DIP2B: variants seen among roughly 807,000 people sequenced by gnomAD.
The protein encoded by DIP2B is disco-interacting protein 2 homolog B.
DIP2B carries 76 observed loss-of-function variants against 198.0 expected under a neutral mutation model. That is an observed-to-expected ratio of 0.38 (90% CI 0.32 to 0.46). The LOEUF is 0.46. Ranked by LOEUF, DIP2B falls within the 20% of genes least tolerant of loss-of-function variation. The pLI, the probability that DIP2B is intolerant of heterozygous loss-of-function variation, is 0.99. For synonymous variants in DIP2B, 701 were observed against 739.1 expected (o/e 0.95, Z 0.84); for missense variants, 1,559 against 1,978.4 (o/e 0.79, Z 4.02).
intron 1 of DIP2B, among the ~76,000 whole-genome samples, chr12:50,511,247 G>A (rs1041023459): frequency 1.5e-5 from 2 of 137,884 alleles, no homozygotes; most frequent in Admixed American, 1.5e-4. Context: ...CCAGGCTCAA[G>A]TACCACCTTT....
At chr12:50,654,382 T>C (rs1333798381) in intron 3 of DIP2B, among the ~76,000 whole-genome samples, 1 of 144,202 alleles carries the variant, frequency 6.9e-6, no homozygotes, top group Non-Finnish European at 1.5e-5. Flanking sequence ...AAAGATAGAG[T>C]GTAACTCTGT....
chr12:50,513,309 C>T (rs1958034712), intron 1 of DIP2B, among the ~76,000 whole-genome samples: 1 of 152,104 alleles, frequency 6.6e-6, no homozygotes, highest in Non-Finnish European at 1.5e-5. Flanking sequence ...ACCCTTAGTC[C>T]AGTACATGTT....
chr12:50,718,690 GT>G lies in DIP2B; in HGVS notation c.2852-15del. On this transcript the variant is annotated intron_variant, in intron 23 of 37. Coordinates refer to ENST00000301180, the MANE Select transcript of DIP2B (RefSeq NM_173602.3). The stretch of plus-strand genomic sequence containing the variant: ...GGAATCGCCATCTCCAGTGAGTTGG[GT>G]TTTGCATTTATTTACAGGTGTAGGC... 6.2e-7 allele frequency: 1 copy of G among 1,610,820 alleles called. No homozygotes were observed. The highest frequency in any genetic ancestry group is 8.5e-7 in the Non-Finnish European group (1 of 1,177,318).
intron 1 of DIP2B, among the ~76,000 whole-genome samples, chr12:50,554,891 C>T (rs1397221889): frequency 6.6e-6 from 1 of 151,896 alleles, no homozygotes; most frequent in African/African-American, 2.4e-5. Flanking sequence ...CCTCAGGCTC[C>T]CGAGTAGTTG....
chr12:50,631,063 C>T (rs1938042372), intron 2 of DIP2B, among the ~76,000 whole-genome samples: 1 of 152,122 alleles, frequency 6.6e-6, no homozygotes, highest in African/African-American at 2.4e-5. Flanking sequence ...ACAATAGTTA[C>T]TATCCATTTC....
chr12:50,698,518 G>A (rs1939358659), intron 18 of DIP2B, 51 bp downstream of exon 18: 1 of 1,585,218 alleles, frequency 6.3e-7, no homozygotes, highest in African/African-American at 1.4e-5. Flanking sequence ...TGTCATCAGA[G>A]ATAATAGAGC....
At chr12:50,521,348 A>T (rs984750588) in intron 1 of DIP2B, among the ~76,000 whole-genome samples, 45 of 150,402 alleles carry the variant, frequency 3.0e-4, no homozygotes, top group African/African-American at 1.0e-3. Context: ...CTCGTGATCC[A>T]CCCGCCTCAG....
chr12:50,703,053 T>C (rs901445818), intron 19 of DIP2B, among the ~76,000 whole-genome samples: 2 of 151,846 alleles, frequency 1.3e-5, no homozygotes, highest in Admixed American at 6.6e-5. Flanking sequence ...GCGAGACCCA[T>C]CTCTACAAAC....
At chr12:50,565,941 AT>A (rs1017297943) in intron 1 of DIP2B, among the ~76,000 whole-genome samples, 8 of 150,284 alleles carry the variant, frequency 5.3e-5, no homozygotes, top group African/African-American at 1.9e-4. Context: ...AAATTTATCC[AT>A]TTCATCTTTT....
chr12:50,555,443 A>G (rs1482283575), intron 1 of DIP2B, among the ~76,000 whole-genome samples: 1 of 151,874 alleles, frequency 6.6e-6, no homozygotes, highest in East Asian at 1.9e-4. Flanking sequence ...CCAAATTTCA[A>G]ATTTTGTCGC....
At chr12:50,698,679 C>T (rs1009992791) in intron 18 of DIP2B, among the ~76,000 whole-genome samples, 2 of 152,170 alleles carry the variant, frequency 1.3e-5, no homozygotes, top group Non-Finnish European at 2.9e-5. Flanking sequence ...GCTTCAAGTC[C>T]ATTTCTTTAC....
At chr12:50,553,532 G>A (rs1285024048) in intron 1 of DIP2B, among the ~76,000 whole-genome samples, 4 of 152,200 alleles carry the variant, frequency 2.6e-5, no homozygotes, top group African/African-American at 7.2e-5. Context: ...AGGTACGACT[G>A]AATTAAGCAT....
intron 35 of DIP2B, among the ~76,000 whole-genome samples, chr12:50,737,968 C>A (rs1205596149): frequency 1.3e-5 from 2 of 152,112 alleles, no homozygotes; most frequent in Admixed American, 1.3e-4. Flanking sequence ...GCCAGATGAC[C>A]TCGGCTCTGC....
At chr12:50,715,097 A>G (rs1448954583) in intron 23 of DIP2B, among the ~76,000 whole-genome samples, 1 of 152,240 alleles carries the variant, frequency 6.6e-6, no homozygotes, top group East Asian at 1.9e-4. Flanking sequence ...TCAGGCAAGA[A>G]ACAAGCATAT....
At chr12:50,727,889 A>G (rs889516592) in intron 29 of DIP2B, 77 bp downstream of exon 29, 1 of 1,279,350 alleles carries the variant, frequency 7.8e-7, no homozygotes, top group Non-Finnish European at 1.1e-6. Context: ...ATAGATGCAG[A>G]GGCCAAGTGG....
At chr12:50,618,851 T>G (rs182880452) in intron 1 of DIP2B, among the ~76,000 whole-genome samples, 1 of 152,224 alleles carries the variant, frequency 6.6e-6, no homozygotes, top group Non-Finnish European at 1.5e-5. Flanking sequence ...TTCATTACCA[T>G]TCTCTCCTTG....
chr12:50,522,138 T>C (rs1345863098), intron 1 of DIP2B, among the ~76,000 whole-genome samples: 1 of 151,832 alleles, frequency 6.6e-6, no homozygotes, highest in African/African-American at 2.4e-5. Context: ...GTAGCTGGGA[T>C]TACAGGTATG....
chr12:50,665,704 C>T (rs1346747474), intron 4 of DIP2B, among the ~76,000 whole-genome samples: 1 of 151,286 alleles, frequency 6.6e-6, no homozygotes, highest in Non-Finnish European at 1.5e-5. Context: ...AGAATCACTT[C>T]AGTCAAGGCT....
At chr12:50,653,272 AT>A (rs1424450308) in intron 3 of DIP2B, among the ~76,000 whole-genome samples, 1 of 137,424 alleles carries the variant, frequency 7.3e-6, no homozygotes, top group African/African-American at 2.7e-5. Context: ...AATTTATCCA[AT>A]TTTTTGTAGA....
Sources: gnomAD v4.1 joint callset for allele counts (sites outside exome capture counted in the v4.1 genomes callset) on GRCh38, gnomAD v4.1.1 for gene constraint, MANE v1.5 for transcripts, NCBI Gene and HGNC (gene_info 2026-07-23, HGNC 2026-07-21) for gene names.